Variants in SMG5 observed in about 807,000 individuals in gnomAD.
SMG5 encodes the protein SMG5 nonsense mediated mRNA decay factor.
SMG5 carries 53 observed loss-of-function variants against 122.9 expected under a neutral mutation model. The observed-to-expected ratio is 0.43, with a 90% CI of 0.35 to 0.54. The LOEUF (loss-of-function observed/expected upper bound fraction) is 0.54. Among genes scored for constraint, SMG5 ranks in the 20% least tolerant of loss-of-function variants. The pLI is 0.01. For synonymous variants in SMG5, 477 were observed against 490.2 expected (o/e 0.97, Z 0.35); for missense variants, 1,153 against 1,285.6 (o/e 0.90, Z 1.58).
At chr1:156,291,301 T>G in the SMG5 span, 2 of 1,296,608 alleles carry the variant, frequency 1.5e-6, no homozygotes, top group Non-Finnish European at 2.2e-6. Context: ...GCCTCCCCTA[T>G]CTACTCCCCC....
At chr1:156,285,141 G>C, upstream of SMG5, 1 of 1,474,758 alleles carries the variant, frequency 6.8e-7, no homozygotes, top group Non-Finnish European at 9.0e-7. Flanking sequence ...CTAATAACTA[G>C]AAGACAGGGG....
upstream of SMG5, among the ~76,000 whole-genome samples, chr1:156,287,603 C>T (rs1663204405): frequency 7.0e-6 from 1 of 142,798 alleles, no homozygotes; most frequent in Admixed American, 7.6e-5. Flanking sequence ...TTCTTACTCT[C>T]CACTTTTTTT....
chr1:156,274,701 G>A lies in SMG5; in HGVS notation c.455-15C>T. ...CTTCTTGCATCCTATGAGACAAAGAGAAAGAGATTTGTAGGCCCATTCTTC... is the reference window on the plus strand; with the variant it reads ...CTTCTTGCATCCTATGAGACAAAGAAAAAGAGATTTGTAGGCCCATTCTTC... On this transcript the variant is annotated splice_polypyrimidine_tract_variant and intron_variant, in intron 4 of 21. Coordinates refer to ENST00000361813, the MANE Select transcript of SMG5 (RefSeq NM_015327.3). 6.2e-7 allele frequency: 1 copy of A among 1,609,696 alleles called. No individual in the cohort carries two copies. The highest frequency in any genetic ancestry group is 8.5e-7 in the Non-Finnish European group (1 of 1,176,200).
At position 156,268,433 on chromosome 1, in the gene SMG5, G is replaced by A. The variant is rs538715368; in HGVS notation, c.714-18C>T. ...ACTGGATGCTGTAAGAGATAGAGGT[G>A]AGCTACTGAGTCTTGGCAGGGGGAG... is the stretch of plus-strand genomic sequence containing the variant. On this transcript the variant is annotated intron_variant, in intron 7 of 21. Coordinates refer to ENST00000361813, the MANE Select transcript of SMG5 (RefSeq NM_015327.3). 6.2e-7 allele frequency: 1 copy of A among 1,611,572 alleles called. No homozygotes were observed. Among genetic ancestry groups the A allele is most frequent in the Admixed American group, 1.7e-5 (1 of 59,850 alleles).
Position 156,277,242 on chromosome 1 carries a change from C to T in SMG5, c.298-1G>A, listed in dbSNP as rs1662724039. ...CCAAAGTGCTCCGGCTGTGGATGTGCTACAGATTGCGAAAGGGAAGGGGCT... is the reference window on the plus strand; with the variant it reads ...CCAAAGTGCTCCGGCTGTGGATGTGTTACAGATTGCGAAAGGGAAGGGGCT... On this transcript the variant is annotated splice_acceptor_variant, in intron 3 of 21. Coordinates refer to ENST00000361813, the MANE Select transcript of SMG5 (RefSeq NM_015327.3). LOFTEE classifies it high-confidence loss of function. 6.2e-7 allele frequency: 1 copy of T among 1,612,108 alleles called. No individual in the cohort carries two copies.
chr1:156,289,135 G>C, the SMG5 span, among the ~76,000 whole-genome samples: 2 of 152,200 alleles, frequency 1.3e-5, no homozygotes, highest in Non-Finnish European at 2.9e-5. Flanking sequence ...AAATGAGGTC[G>C]TTATGAGGAT....
At chr1:156,276,129 T>C (rs1662674834) in intron 4 of SMG5, among the ~76,000 whole-genome samples, 1 of 86,222 alleles carries the variant, frequency 1.2e-5, no homozygotes, top group Non-Finnish European at 2.9e-5. Context: ...AGGTTTGGCT[T>C]TTTTTTTTTT....
At chr1:156,255,736 T>G (rs192941998) in intron 16 of SMG5, among the ~76,000 whole-genome samples, 1 of 151,462 alleles carries the variant, frequency 6.6e-6, no homozygotes, top group Admixed American at 6.6e-5. Flanking sequence ...AAAAAGTATA[T>G]TTTTTTTATT....
Position 156,260,526 on chromosome 1 carries a change from G to A in SMG5, c.2208C>T (p.Asn736=), listed in dbSNP as rs758242118. Residue 736 remains asparagine (N), a synonymous_variant, in exon 15 of 22, where the codon AAC becomes AAT. Coordinates refer to ENST00000361813, the MANE Select transcript of SMG5 (RefSeq NM_015327.3). ...LLLPEDMALR[N]LPPLRAAHRR... is the part of the protein sequence containing the mutation. The stretch of plus-strand genomic sequence containing the variant: ...TGTGGGCAGCTCGGAGCGGGGGCAG[G>A]TTACGAAGAGCCATGTCCTCTGGGA... The A allele has an allele frequency of 6.3e-7, 1 of 1,582,756 alleles. No homozygotes were observed. Among genetic ancestry groups the A allele is most frequent in the Non-Finnish European group, 8.6e-7 (1 of 1,169,018 alleles).
chr1:156,287,623 T>TTC (rs1663206444), upstream of SMG5, among the ~76,000 whole-genome samples: 1 of 146,784 alleles, frequency 6.8e-6, no homozygotes, highest in Non-Finnish European at 1.5e-5. Context: ...TTTTTTTTTT[T>TTC]TTTTTTTTGA....
rs761899049 is a variant in SMG5, at chr1:156,259,136, T to C, written c.2311A>G (p.Ser771Gly). Reference sequence around the variant, plus strand: ...AGGCGGGCGATGAAATGACCAAAGCTGCGGATGCAGCAGATGCGCACCACT... The same window carrying C: ...AGGCGGGCGATGAAATGACCAAAGCCGCGGATGCAGCAGATGCGCACCACT... ...ESVVRICCIR[S>G]FGHFIARLQG... Residue 771 changes from serine (S) to glycine (G), a missense_variant, in exon 16 of 22, where the codon AGC (serine) becomes GGC (glycine). Physicochemically the swap from Ser to Gly is moderately conservative, Grantham distance 56. Coordinates refer to ENST00000361813, the MANE Select transcript of SMG5 (RefSeq NM_015327.3). The C allele has an allele frequency of 3.1e-6, 5 of 1,599,098 alleles. No homozygotes were observed. The East Asian group carries it at 9.0e-5, about 29-fold the overall frequency.
In SMG5 at chr1:156,268,417, T is replaced by C. The variant is rs1390767855; in HGVS notation, c.714-2A>G. 1 of 1,613,760 alleles carries C rather than the reference T, an allele frequency of 6.2e-7. No homozygotes were observed. Among genetic ancestry groups the C allele is most frequent in the Non-Finnish European group, 8.5e-7 (1 of 1,180,014 alleles). ...TCAAAGGACACTTCTGACTGGATGC[T>C]GTAAGAGATAGAGGTGAGCTACTGA... On this transcript the variant is annotated splice_acceptor_variant, in intron 7 of 21. Coordinates refer to ENST00000361813, the MANE Select transcript of SMG5 (RefSeq NM_015327.3). LOFTEE classifies it high-confidence loss of function.
intron 17 of SMG5, 60 bp downstream of exon 17, chr1:156,253,389 T>G: frequency 1.3e-6 from 2 of 1,548,650 alleles, no homozygotes; most frequent in East Asian, 2.2e-5. Context: ...GACCTGCCAG[T>G]AGGGTTGACA....
chr1:156,259,541 T>C (rs1416145373), intron 15 of SMG5, among the ~76,000 whole-genome samples: 5 of 152,128 alleles, frequency 3.3e-5, no homozygotes, highest in Admixed American at 2.6e-4. Flanking sequence ...CAATGTATTA[T>C]TTTTTTGAGA....
chr1:156,279,116 A>G (rs1163270564), intron 1 of SMG5, 82 bp from the exon 2 acceptor site: 1 of 1,196,674 alleles, frequency 8.4e-7, no homozygotes, highest in Non-Finnish European at 1.2e-6. Context: ...TTCTAGAGGA[A>G]AAGCTACAGA....
rs900304830 is a variant in SMG5 at position 156,252,690 on chromosome 1, C to G, written c.2663-186G>C. On this transcript the variant is annotated intron_variant, in intron 18 of 21. Transcript: ENST00000361813. ...TGCCAGCAATATACTTGGCAATTTA[C>G]CAAGTGCTTTCTCATTATATTCACT... The G allele has an allele frequency of 5.3e-6, 4 of 751,938 alleles. No homozygotes were observed. In the African/African-American group the frequency reaches 7.1e-5, roughly 13 times the overall value. The allele number at this position is 751,938 out of a possible 1,614,324, so 46.6% of individuals were successfully genotyped here.
chr1:156,262,059 C>T (rs975737246), intron 13 of SMG5, among the ~76,000 whole-genome samples: 1 of 151,862 alleles, frequency 6.6e-6, no homozygotes, highest in African/African-American at 2.4e-5. Flanking sequence ...GACCTTGTTT[C>T]AAAACAAAAC....
chr1:156,267,713 G>A (rs1662218784), intron 9 of SMG5, 35 bp from the exon 10 acceptor site: 7 of 1,552,910 alleles, frequency 4.5e-6, no homozygotes, highest in Admixed American at 3.7e-5. Context: ...GGAGGTCAGT[G>A]GTGGGGGCTG....
intron 12 of SMG5, among the ~76,000 whole-genome samples, chr1:156,265,388 G>A (rs1237172494): frequency 6.6e-6 from 1 of 152,320 alleles, no homozygotes; most frequent in South Asian, 2.1e-4. Flanking sequence ...TCTGTTTGCA[G>A]GGAATATCCT....
Sources: gnomAD v4.1 joint callset for allele counts (sites outside exome capture counted in the v4.1 genomes callset) on GRCh38, gnomAD v4.1.1 for gene constraint, MANE v1.5 for transcripts, NCBI Gene and HGNC (gene_info 2026-07-23, HGNC 2026-07-21) for gene names.